CSRNP3: variants seen among roughly 807,000 people sequenced by gnomAD.
CSRNP3 encodes the protein cysteine/serine-rich nuclear protein 3.
CSRNP3 carries 12 observed loss-of-function variants against 48.0 expected under a neutral mutation model. That is an observed-to-expected ratio of 0.25 (90% CI 0.16 to 0.41). CSRNP3 has a LOEUF of 0.41. Ranked by LOEUF, CSRNP3 falls within the 10% of genes least tolerant of loss-of-function variation. The probability of loss-of-function intolerance (pLI) is 1.00; values close to 1 mark genes in which losing one functional copy is unlikely to be tolerated. For synonymous variants in CSRNP3, 263 were observed against 269.7 expected, an observed-to-expected ratio of 0.98 and a Z score of 0.24; for missense variants, 580 against 724.4, an observed-to-expected ratio of 0.80 and a Z score of 2.29.
intron 2 of CSRNP3, among the ~76,000 whole-genome samples, chr2:165,509,947 T>G (rs1045918788): frequency 4.6e-5 from 7 of 152,314 alleles, no homozygotes; most frequent in Middle Eastern, 3.4e-3. Flanking sequence ...TGAGTCAAGT[T>G]ATTTTAGAAT....
In CSRNP3 at chr2:165,639,131, A is replaced by G. The variant is rs138153172; in HGVS notation, c.149-18630A>G. On this transcript the variant is annotated intron_variant, in intron 4 of 6. Transcript: ENST00000651982. ...ATGTCTTGTCACGTATTTTCTCTAT[A>G]TGACACATCGCTGCTTTCTTGCATT... Among the ~76,000 whole-genome samples, 90 of 152,298 alleles carry G rather than the reference A, an allele frequency of 5.9e-4. No individual in the cohort carries two copies. In the East Asian group the frequency reaches 8.5e-3, roughly 14 times the overall value.
intron 5 of CSRNP3, among the ~76,000 whole-genome samples, chr2:165,671,713 T>G (rs1229627382): frequency 6.6e-6 from 1 of 152,224 alleles, no homozygotes; most frequent in Non-Finnish European, 1.5e-5. Flanking sequence ...TCTTTGTTAC[T>G]TATGCAAATT....
chr2:165,480,628 A>G (rs943133271), intron 1 of CSRNP3, among the ~76,000 whole-genome samples: 1 of 151,840 alleles, frequency 6.6e-6, no homozygotes, highest in African/African-American at 2.4e-5. Context: ...TGCACCCTTA[A>G]AGAAATATAA....
intron 4 of CSRNP3, among the ~76,000 whole-genome samples, chr2:165,599,767 A>T (rs1057136953): frequency 6.6e-6 from 1 of 151,946 alleles, no homozygotes; most frequent in South Asian, 2.1e-4. Context: ...GTTTTGTTGG[A>T]TGTGAATCAA....
At chr2:165,554,702 G>A (rs1429201252) in intron 3 of CSRNP3, among the ~76,000 whole-genome samples, 2 of 152,072 alleles carry the variant, frequency 1.3e-5, no homozygotes, top group African/African-American at 2.4e-5. Context: ...CTATTATCCG[G>A]AAGTTTGGAA....
rs1687562000 is a variant in CSRNP3 at position 165,682,369 on chromosome 2, A to T, written c.*2616A>T. ...TTCCAACTTTTCATATACCTGACTA[A>T]CCTGTAAACATATCCCACAAACCAC... On this transcript the variant is annotated 3_prime_UTR_variant, in exon 7 of 7. Transcript: ENST00000651982. 1 of 152,062 alleles carries T rather than the reference A, an allele frequency of 6.6e-6. No individual in the cohort carries two copies. Among genetic ancestry groups the T allele is most frequent in the Non-Finnish European group, 1.5e-5 (1 of 67,996 alleles). 9.4% of individuals were successfully genotyped at this position (152,062 alleles called of 1,614,324 possible). A position where few individuals can be genotyped will look rare whatever the true frequency, so the allele number is the denominator to read the frequency against.
In CSRNP3 at chr2:165,672,393, A is replaced by C. The variant is rs1019681760; in HGVS notation, c.409-3919A>C. ...GACCTCACAATCATGGCAGAAGATG[A>C]AAGGCACATCTTACATGGCAGCAGG... On this transcript the variant is annotated intron_variant, in intron 5 of 6. Transcript: ENST00000651982. Among the ~76,000 whole-genome samples, 6 of 152,366 alleles carry C rather than the reference A, an allele frequency of 3.9e-5. No individual in the cohort carries two copies. In the East Asian group the frequency reaches 9.6e-4, roughly 24 times the overall value.
chr2:165,596,611 G>C (rs1164607313), intron 4 of CSRNP3, among the ~76,000 whole-genome samples: 1 of 152,088 alleles, frequency 6.6e-6, no homozygotes, highest in Admixed American at 6.6e-5. Context: ...AATATTCAGG[G>C]ATAAAGTTAT....
In CSRNP3 at chr2:165,608,829, G is replaced by T. The variant is rs964233166; in HGVS notation, c.148+13616G>T. On this transcript the variant is annotated intron_variant, in intron 4 of 6. Coordinates refer to ENST00000651982, the MANE Select transcript of CSRNP3 (RefSeq NM_001172173.2). The stretch of plus-strand genomic sequence containing the variant: ...TGCCTGGCCAGGTGCAGTGGCTCAC[G>T]CCTGTAATCCCAGCACTTTGGGAGG... Among the ~76,000 whole-genome samples the T allele has an allele frequency of 2.0e-5, 3 of 149,398 alleles. No homozygotes were observed. The East Asian group carries it at 5.9e-4, about 29-fold the overall frequency.
chr2:165,550,754 C>A (rs982021703), intron 3 of CSRNP3, among the ~76,000 whole-genome samples: 3 of 152,178 alleles, frequency 2.0e-5, no homozygotes, highest in Non-Finnish European at 4.4e-5. Flanking sequence ...TCCTTGCTGT[C>A]CTACTTTCTC....
intron 5 of CSRNP3, among the ~76,000 whole-genome samples, chr2:165,659,545 G>A (rs1456013036): frequency 6.6e-6 from 1 of 152,066 alleles, no homozygotes; most frequent in Non-Finnish European, 1.5e-5. Context: ...ATGTCAGGAA[G>A]GTATCCAAGT....
In CSRNP3 at chr2:165,472,253, C is replaced by T. The variant is rs58577681; in HGVS notation, c.-283+2513C>T. Reference sequence around the variant, plus strand: ...GACATTAGAATAAGAATTTTTTAAACTTAACGTCCAAACCATGTTTCATTA... The same window carrying T: ...GACATTAGAATAAGAATTTTTTAAATTTAACGTCCAAACCATGTTTCATTA... On this transcript the variant is annotated intron_variant, in intron 1 of 6. Transcript: ENST00000651982. 3.8e-4 allele frequency among the ~76,000 whole-genome samples: 58 copies of T among 152,068 alleles called. 1 individual carries two copies. The highest frequency in any genetic ancestry group is 1.4e-3 in the African/African-American group (57 of 41,536).
At chr2:165,648,499 A>AT (rs1041861917) in intron 4 of CSRNP3, among the ~76,000 whole-genome samples, 1 of 152,022 alleles carries the variant, frequency 6.6e-6, no homozygotes. Context: ...TTTTAAAAAG[A>AT]TTTTTTTGCT....
intron 3 of CSRNP3, among the ~76,000 whole-genome samples, chr2:165,582,057 A>C (rs1054528222): frequency 6.6e-6 from 1 of 152,222 alleles, no homozygotes; most frequent in Non-Finnish European, 1.5e-5. Context: ...CAGTCTAATA[A>C]GTACTGATAA....
chr2:165,572,666 C>G (rs1403880395), intron 3 of CSRNP3: 1 of 151,962 alleles, frequency 6.6e-6, no homozygotes, highest in East Asian at 1.9e-4. Flanking sequence ...TGTGTTTTGC[C>G]TTAAACAAAA....
intron 1 of CSRNP3, among the ~76,000 whole-genome samples, chr2:165,490,548 A>G (rs1372403407): frequency 7.0e-6 from 1 of 143,770 alleles, no homozygotes; most frequent in Non-Finnish European, 1.5e-5. Context: ...ACTTCAAACT[A>G]TACTACAAGG....
intron 4 of CSRNP3, among the ~76,000 whole-genome samples, chr2:165,606,125 T>C (rs1214535709): frequency 6.6e-6 from 1 of 151,448 alleles, no homozygotes; most frequent in Non-Finnish European, 1.5e-5. Context: ...TTTAAAATTA[T>C]AAAATATACA....
chr2:165,509,706 A>G (rs1437835279), intron 2 of CSRNP3, among the ~76,000 whole-genome samples: 1 of 152,216 alleles, frequency 6.6e-6, no homozygotes, highest in Non-Finnish European at 1.5e-5. Context: ...TTAACCTCTT[A>G]CATAACAATA....
At chr2:165,568,446 T>C (rs73029839) in intron 3 of CSRNP3, among the ~76,000 whole-genome samples, 14,099 of 152,114 alleles carry the variant, frequency 0.093, 825 homozygotes, top group African/African-American at 0.16. Context: ...AAAGCTCTTG[T>C]CTTTGTTTCT....
Sources: allele counts gnomAD v4.1 joint callset (sites outside exome capture counted in the v4.1 genomes callset), GRCh38; gene constraint gnomAD v4.1.1; transcripts MANE v1.5; gene names NCBI Gene and HGNC (gene_info 2026-07-23, HGNC 2026-07-21).